OLFM3: variants seen among roughly 807,000 people sequenced by gnomAD.
OLFM3 encodes olfactomedin 3.
Under a neutral mutation model 48.6 loss-of-function variants are expected in OLFM3, and 20 were observed. That is an observed-to-expected ratio of 0.41 (90% CI 0.29 to 0.60). OLFM3 has a LOEUF of 0.60. Among genes scored for constraint, OLFM3 ranks in the 20% least tolerant of loss-of-function variants. The pLI is 0.28. For missense variants in OLFM3, 437 were observed against 544.3 expected, an observed-to-expected ratio of 0.80 and a Z score of 1.96; for synonymous variants, 222 against 198.1, an observed-to-expected ratio of 1.12 and a Z score of -1.01.
At chr1:101,812,360 C>T in intron 4 of OLFM3, 1 of 902,554 alleles carries the variant, frequency 1.1e-6, no homozygotes, top group Non-Finnish European at 1.3e-6. Flanking sequence ...AATTAAACTT[C>T]AAAGTGAAGT....
At position 101,950,740 on chromosome 1, in the gene OLFM3, G is replaced by A. The variant is rs561125730; in HGVS notation, c.69+46008C>T. 2.7e-3 allele frequency among the ~76,000 whole-genome samples: 413 copies of A among 152,126 alleles called. 3 individuals are homozygous for A. The highest frequency in any genetic ancestry group is 9.5e-3 in the African/African-American group (393 of 41,490). On this transcript the variant is annotated intron_variant, in intron 1 of 5. Transcript: ENST00000370103. The stretch of plus-strand genomic sequence containing the variant: ...ATTACAGGCGTGAGCCATTGCGCGC[G>A]GCCTTGTCTGTATTTTTAAAAATTT...
At chr1:101,888,741 A>T (rs1657872002) in intron 1 of OLFM3, among the ~76,000 whole-genome samples, 1 of 152,204 alleles carries the variant, frequency 6.6e-6, no homozygotes, top group Non-Finnish European at 1.5e-5. Context: ...AAATTTTTGC[A>T]ATCTACCCAT....
At chr1:101,826,024 G>C (rs987626265) in intron 3 of OLFM3, among the ~76,000 whole-genome samples, 1 of 152,060 alleles carries the variant, frequency 6.6e-6, no homozygotes, top group Non-Finnish European at 1.5e-5. Context: ...AGAATTGCTT[G>C]CCCATGTGGC....
In OLFM3 at chr1:101,961,022, A is replaced by G. The variant is rs185157501; in HGVS notation, c.69+35726T>C. ...GAAAGAAAATTCTGATTTAGAGACT[A>G]TGATGAGACTATTTGGATAACATAT... On this transcript the variant is annotated intron_variant, in intron 1 of 5. Coordinates refer to ENST00000370103, the MANE Select transcript of OLFM3 (RefSeq NM_058170.4). 2.8e-3 allele frequency among the ~76,000 whole-genome samples: 429 copies of G among 152,278 alleles called. 1 individual carries two copies. The highest frequency in any genetic ancestry group is 0.01 in the African/African-American group (419 of 41,578).
intron 3 of OLFM3, among the ~76,000 whole-genome samples, chr1:101,828,948 T>C (rs1655013938): frequency 6.6e-6 from 1 of 152,222 alleles, no homozygotes; most frequent in Non-Finnish European, 1.5e-5. Context: ...TATAATTTAA[T>C]AGTGGAGGGG....
chr1:101,809,282 G>A (rs1438840921), intron 4 of OLFM3, among the ~76,000 whole-genome samples: 1 of 151,792 alleles, frequency 6.6e-6, no homozygotes, highest in Non-Finnish European at 1.5e-5. Flanking sequence ...AAACTACTGT[G>A]AAATGTTAGA....
chr1:101,921,129 ATGTC>A (rs561925923), intron 1 of OLFM3, among the ~76,000 whole-genome samples: 1 of 152,006 alleles, frequency 6.6e-6, no homozygotes, highest in Admixed American at 6.6e-5. Flanking sequence ...TTACAATAAA[ATGTC>A]TGGTAATCTC....
chr1:101,816,873 A>T (rs766114363), intron 4 of OLFM3, among the ~76,000 whole-genome samples: 13 of 152,164 alleles, frequency 8.5e-5, no homozygotes, highest in Non-Finnish European at 1.3e-4. Context: ...AGAGCTCTCG[A>T]TGTTGATTTC....
At position 101,928,358 on chromosome 1, in the gene OLFM3, T is replaced by G. The variant is rs189259753; in HGVS notation, c.69+68390A>C. ...GGCTCTTTTTGTAGGATTATAGAGG[T>G]TTATTGTGCATGACTTAACACATTT... On this transcript the variant is annotated intron_variant, in intron 1 of 5. Coordinates refer to ENST00000370103, the MANE Select transcript of OLFM3 (RefSeq NM_058170.4). 3.3e-5 allele frequency among the ~76,000 whole-genome samples: 5 copies of G among 152,134 alleles called. No individual in the cohort carries two copies. The East Asian group carries it at 7.7e-4, about 24-fold the overall frequency.
intron 1 of OLFM3, among the ~76,000 whole-genome samples, chr1:101,986,665 C>T (rs1183078987): frequency 1.3e-5 from 2 of 152,150 alleles, no homozygotes; most frequent in East Asian, 3.8e-4. Context: ...CTTGTTTCTT[C>T]TTTCTCTGCA....
chr1:101,828,498 C>A (rs1034752168), intron 3 of OLFM3, among the ~76,000 whole-genome samples: 2 of 152,136 alleles, frequency 1.3e-5, no homozygotes, highest in Admixed American at 6.5e-5. Context: ...GGTGCTGCTG[C>A]CTGAAAATTG....
chr1:101,874,151 C>T (rs976197977), intron 1 of OLFM3, among the ~76,000 whole-genome samples: 3 of 151,762 alleles, frequency 2.0e-5, no homozygotes, highest in Non-Finnish European at 2.9e-5. Flanking sequence ...AATACTTTTA[C>T]GATTAATAGT....
At chr1:101,970,839 T>C (rs1660761482) in intron 1 of OLFM3, among the ~76,000 whole-genome samples, 1 of 152,158 alleles carries the variant, frequency 6.6e-6, no homozygotes, top group African/African-American at 2.4e-5. Flanking sequence ...CAGAATAACA[T>C]GGAGAGGAGG....
intron 1 of OLFM3, among the ~76,000 whole-genome samples, chr1:101,989,775 A>G (rs571573577): frequency 1.2e-4 from 19 of 152,344 alleles, no homozygotes; most frequent in South Asian, 2.1e-4. Flanking sequence ...AAGAAGATCA[A>G]TATAAGCAGA....
At chr1:101,963,076 G>A (rs1407841318) in intron 1 of OLFM3, among the ~76,000 whole-genome samples, 2 of 152,184 alleles carry the variant, frequency 1.3e-5, no homozygotes, top group Admixed American at 6.5e-5. Context: ...GCAGAATGGA[G>A]CTCCTTTCTC....
In OLFM3 at chr1:101,978,747, A is replaced by T. The variant is rs144983103; in HGVS notation, c.69+18001T>A. Among the ~76,000 whole-genome samples, 67 of 152,258 alleles carry T rather than the reference A, an allele frequency of 4.4e-4. No individual in the cohort carries two copies. The East Asian group carries it at 0.013, about 29-fold the overall frequency. On this transcript the variant is annotated intron_variant, in intron 1 of 5. Transcript: ENST00000370103. ...ATTTTCAGATTTGTAGCTCAACAAC[A>T]TTGCAGTACTTTATGCGCTCCTTTC...
chr1:101,807,888 T>A (rs1408677224), intron 4 of OLFM3, among the ~76,000 whole-genome samples: 1 of 151,798 alleles, frequency 6.6e-6, no homozygotes, highest in Admixed American at 6.6e-5. Flanking sequence ...TAAGCTCTAC[T>A]TGGTACAAAT....
chr1:101,961,718 G>A (rs922483680), intron 1 of OLFM3, among the ~76,000 whole-genome samples: 4 of 152,160 alleles, frequency 2.6e-5, no homozygotes, highest in East Asian at 3.9e-4. Flanking sequence ...AGAATAGGTC[G>A]CAAGATAACC....
intron 1 of OLFM3, among the ~76,000 whole-genome samples, chr1:101,884,825 C>G (rs1167817180): frequency 6.6e-6 from 1 of 151,888 alleles, no homozygotes; most frequent in Non-Finnish European, 1.5e-5. Context: ...TTGCACAATG[C>G]CCCTGGCCAC....
Sources: allele counts gnomAD v4.1 joint callset (sites outside exome capture counted in the v4.1 genomes callset), GRCh38; gene constraint gnomAD v4.1.1; transcripts MANE v1.5; gene names NCBI Gene and HGNC (gene_info 2026-07-23, HGNC 2026-07-21).